Variants in GPR63 observed in about 807,000 individuals in gnomAD.
The protein encoded by GPR63 is G protein-coupled receptor 63.
A neutral mutation model predicts 23.1 loss-of-function variants in GPR63; 12 were observed. The ratio of observed to expected loss-of-function variants is 0.52; its 90% CI spans 0.33 to 0.84. GPR63 has a LOEUF of 0.84. Among genes scored for constraint, GPR63 ranks in the 40% least tolerant of loss-of-function variants. GPR63 has a pLI of 0.02. For synonymous variants in GPR63, 172 were observed against 191.1 expected (o/e 0.90, Z 0.82); for missense variants, 472 against 515.6 (o/e 0.92, Z 0.82).
At chr6:96,829,113 T>C (rs1317067161) in intron 1 of GPR63, among the ~76,000 whole-genome samples, 1 of 152,180 alleles carries the variant, frequency 6.6e-6, no homozygotes, top group Non-Finnish European at 1.5e-5. Context: ...AGGATAAAGA[T>C]TTAAATAGCA....
In GPR63 at chr6:96,798,770, G is replaced by GA; in HGVS notation, c.961_962insT (p.Ala321ValfsTer21). On this transcript the variant is annotated frameshift_variant, in exon 2 of 2. Transcript: ENST00000229955. LOFTEE classifies it high-confidence loss of function. ...TGGGGCCCAGCAGACAATGAAGACA[G>GA]CAAAGAGAATCAAAATAGTGGTGAA... is the stretch of plus-strand genomic sequence containing the variant. The GA allele has an allele frequency of 6.2e-7, 1 of 1,614,174 alleles. No homozygotes were observed.
rs115741236 is a variant in GPR63, at chr6:96,818,864, T to C, written c.-151+18404A>G. Reference sequence around the variant, plus strand: ...CAAATCAAAAAGTGGGTAAAGGATGTGAACAGACAATTGTCAAAAGAAGAC... The same window carrying C: ...CAAATCAAAAAGTGGGTAAAGGATGCGAACAGACAATTGTCAAAAGAAGAC... On this transcript the variant is annotated intron_variant, in intron 1 of 1. Transcript: ENST00000229955. Among the ~76,000 whole-genome samples, 521 of 148,742 alleles carry C rather than the reference T, an allele frequency of 3.5e-3. 3 individuals carry two copies. Among genetic ancestry groups the C allele is most frequent in the African/African-American group, 0.012 (496 of 41,380 alleles).
intron 1 of GPR63, among the ~76,000 whole-genome samples, chr6:96,805,255 A>T (rs1773866186): frequency 6.6e-6 from 1 of 152,152 alleles, no homozygotes; most frequent in Non-Finnish European, 1.5e-5. Context: ...TCATGGTGGA[A>T]GGTGAAGGGT....
At chr6:96,803,917 T>C (rs974082792) in intron 1 of GPR63, among the ~76,000 whole-genome samples, 1 of 152,322 alleles carries the variant, frequency 6.6e-6, no homozygotes, top group Non-Finnish European at 1.5e-5. Context: ...TAACAAATCT[T>C]CCAAGTGAGA....
rs189609785 is a variant in GPR63, at chr6:96,809,551, A to T, written c.-150-9670T>A. Reference sequence around the variant, plus strand: ...GTATATATAACCAAAAAATTCTTTCATGGTTCACTAAGTATGTTCTCTTTA... The same window carrying T: ...GTATATATAACCAAAAAATTCTTTCTTGGTTCACTAAGTATGTTCTCTTTA... On this transcript the variant is annotated intron_variant, in intron 1 of 1. Transcript: ENST00000229955. 2.1e-3 allele frequency among the ~76,000 whole-genome samples: 319 copies of T among 152,288 alleles called. 2 individuals carry two copies. Among genetic ancestry groups the T allele is most frequent in the Middle Eastern group, 0.02 (6 of 294 alleles).
intron 1 of GPR63, among the ~76,000 whole-genome samples, chr6:96,823,284 C>T (rs1387713102): frequency 1.3e-5 from 2 of 152,082 alleles, no homozygotes; most frequent in South Asian, 4.1e-4. Flanking sequence ...CAGGAGATGA[C>T]GGCTCCATGT....
intron 1 of GPR63, among the ~76,000 whole-genome samples, chr6:96,801,210 A>ATT (rs35755439): frequency 0.2 from 29,166 of 143,880 alleles, 2,985 homozygotes; most frequent in South Asian, 0.27. Flanking sequence ...TCAGTCATTG[A>ATT]TTTTTTTTTT....
At chr6:96,831,805 C>G (rs1045921132) in intron 1 of GPR63, among the ~76,000 whole-genome samples, 3 of 151,908 alleles carry the variant, frequency 2.0e-5, no homozygotes, top group Non-Finnish European at 4.4e-5. Context: ...ACTCAGGAGG[C>G]TGAAGCATGA....
chr6:96,805,537 A>G (rs569325212), intron 1 of GPR63, among the ~76,000 whole-genome samples: 1 of 152,308 alleles, frequency 6.6e-6, no homozygotes, highest in South Asian at 2.1e-4. Flanking sequence ...GCAGGAGTTT[A>G]TGGAAATCAC....
At chr6:96,833,049 TAG>T (rs1562128160) in intron 1 of GPR63, among the ~76,000 whole-genome samples, 8 of 152,102 alleles carry the variant, frequency 5.3e-5, no homozygotes, top group Admixed American at 2.0e-4. Flanking sequence ...CTGCTAGTGA[TAG>T]ACAGTGTGAA....
At chr6:96,826,318 T>C (rs1261811243) in intron 1 of GPR63, among the ~76,000 whole-genome samples, 1 of 152,032 alleles carries the variant, frequency 6.6e-6, no homozygotes, top group East Asian at 1.9e-4. Context: ...AATAACTTTC[T>C]AAAAAATAAA....
In GPR63 at chr6:96,827,937, G is replaced by A. The variant is rs143244228; in HGVS notation, c.-151+9331C>T. On this transcript the variant is annotated intron_variant, in intron 1 of 1. Transcript: ENST00000229955. ...CTGATAGACAAGAAGAAACTGGGTG[G>A]AAAGATAATAATGAATAAAGAACTA... 1.2e-4 allele frequency among the ~76,000 whole-genome samples: 19 copies of A among 152,128 alleles called. No homozygotes were observed. In the Middle Eastern group the frequency reaches 0.014, roughly 109 times the overall value.
At chr6:96,826,373 A>C (rs1436464383) in intron 1 of GPR63, among the ~76,000 whole-genome samples, 1 of 152,190 alleles carries the variant, frequency 6.6e-6, no homozygotes, top group Admixed American at 6.5e-5. Context: ...ATGAAATTTG[A>C]GACTCAAGAA....
At chr6:96,812,774 G>T (rs1198507163) in intron 1 of GPR63, among the ~76,000 whole-genome samples, 1 of 151,942 alleles carries the variant, frequency 6.6e-6, no homozygotes, top group Non-Finnish European at 1.5e-5. Context: ...TACATGTATA[G>T]AATGTGTAAT....
Position 96,799,788 on chromosome 6 carries a change from A to G in GPR63, c.-57T>C, listed in dbSNP as rs767086596. On this transcript the variant is annotated 5_prime_UTR_variant, in exon 2 of 2. Transcript: ENST00000229955. ...ATGCAGGAGTTCTTCAAGCATTTCA[A>G]CACAGAACAGCAGTATCAGGTCCCA... 5 of 1,566,042 alleles carry G rather than the reference A, an allele frequency of 3.2e-6. No individual in the cohort carries two copies. The African/African-American group carries it at 6.8e-5, about 21-fold the overall frequency.
intron 1 of GPR63, among the ~76,000 whole-genome samples, chr6:96,803,664 A>G (rs1773826996): frequency 6.6e-6 from 1 of 152,214 alleles, no homozygotes; most frequent in Admixed American, 6.5e-5. Context: ...GCTCACAGTA[A>G]CTACATTAAA....
chr6:96,830,885 C>T (rs980809681), intron 1 of GPR63, among the ~76,000 whole-genome samples: 1 of 152,240 alleles, frequency 6.6e-6, no homozygotes, highest in South Asian at 2.1e-4. Flanking sequence ...CAGAGTGATA[C>T]TCAACTGATT....
At chr6:96,834,957 G>T (rs533964230) in intron 1 of GPR63, among the ~76,000 whole-genome samples, 26 of 152,248 alleles carry the variant, frequency 1.7e-4, no homozygotes, top group Middle Eastern at 3.4e-3. Context: ...GATCTATGAA[G>T]AATGTCCTAA....
At chr6:96,833,781 A>C (rs1459047726) in intron 1 of GPR63, among the ~76,000 whole-genome samples, 1 of 151,880 alleles carries the variant, frequency 6.6e-6, no homozygotes, top group African/African-American at 2.4e-5. Context: ...AGAATCAATT[A>C]ATATATATGC....
Sources: allele counts gnomAD v4.1 joint callset (sites outside exome capture counted in the v4.1 genomes callset), GRCh38; gene constraint gnomAD v4.1.1; transcripts MANE v1.5; gene names NCBI Gene and HGNC (gene_info 2026-07-23, HGNC 2026-07-21).